ROBO2: variants seen among roughly 807,000 people sequenced by gnomAD.
The protein encoded by ROBO2 is roundabout homolog 2.
A neutral mutation model predicts 160.8 loss-of-function variants in ROBO2; 53 were observed. The ratio of observed to expected loss-of-function variants is 0.33; its 90% CI spans 0.26 to 0.41. The LOEUF (loss-of-function observed/expected upper bound fraction) is 0.41, where lower values mean the gene tolerates loss of function less well. ROBO2 is among the 10% of genes least tolerant of loss of function. The probability of loss-of-function intolerance (pLI) is 1.00; values close to 1 mark genes in which losing one functional copy is unlikely to be tolerated. For missense variants in ROBO2, 1,577 were observed against 1,722.4 expected (o/e 0.92, Z 1.49); for synonymous variants, 664 against 611.7 (o/e 1.09, Z -1.26).
chr3:76,994,358 T>C (rs1054125956), intron 2 of ROBO2, among the ~76,000 whole-genome samples: 1 of 149,306 alleles, frequency 6.7e-6, no homozygotes, highest in African/African-American at 2.5e-5. Context: ...GGAAAGCACA[T>C]GTTGAGTCCT....
At chr3:76,234,490 G>C (rs528584360) in intron 2 of ROBO2, among the ~76,000 whole-genome samples, 4 of 152,188 alleles carry the variant, frequency 2.6e-5, no homozygotes, top group African/African-American at 9.6e-5. Flanking sequence ...AACCTAACAG[G>C]TTTTCACCAG....
chr3:76,272,067 ATAAG>A (rs1385509528), intron 2 of ROBO2, among the ~76,000 whole-genome samples: 1 of 152,184 alleles, frequency 6.6e-6, no homozygotes, highest in Non-Finnish European at 1.5e-5. Flanking sequence ...CTCTATAAAT[ATAAG>A]TGTTTCCAAC....
chr3:76,431,941 T>C (rs529970797), intron 2 of ROBO2, among the ~76,000 whole-genome samples: 14 of 152,280 alleles, frequency 9.2e-5, no homozygotes, highest in Non-Finnish European at 1.6e-4. Context: ...TACATTGATC[T>C]GTATAAGAAA....
intron 2 of ROBO2, among the ~76,000 whole-genome samples, chr3:77,131,453 T>C (rs2075844168): frequency 6.6e-6 from 1 of 152,182 alleles, no homozygotes; most frequent in Admixed American, 6.5e-5. Context: ...CCAGGTGGCA[T>C]GTACGTTTAA....
intron 2 of ROBO2, among the ~76,000 whole-genome samples, chr3:76,441,136 C>T (rs2076908357): frequency 6.6e-6 from 1 of 152,060 alleles, no homozygotes; most frequent in Non-Finnish European, 1.5e-5. Flanking sequence ...TCCCCTTGTC[C>T]TGCCAGAACT....
intron 1 of ROBO2, among the ~76,000 whole-genome samples, chr3:75,907,205 G>T (rs1286428472): frequency 2.6e-5 from 4 of 152,150 alleles, no homozygotes; most frequent in East Asian, 1.9e-4. Flanking sequence ...GTCCCCAAAG[G>T]CACGCGTTAT....
At chr3:76,960,375 A>T (rs2079560890) in intron 2 of ROBO2, among the ~76,000 whole-genome samples, 2 of 152,118 alleles carry the variant, frequency 1.3e-5, no homozygotes, top group Non-Finnish European at 2.9e-5. Context: ...TTATTTTCTA[A>T]TGACCTTGTC....
intron 2 of ROBO2, among the ~76,000 whole-genome samples, chr3:76,352,163 G>A (rs1035963133): frequency 1.3e-5 from 2 of 151,932 alleles, no homozygotes; most frequent in African/African-American, 4.8e-5. Context: ...CCCAAGTTGA[G>A]AAGAGGTAGT....
chr3:76,006,767 G>A (rs931560027), intron 2 of ROBO2, among the ~76,000 whole-genome samples: 3 of 151,918 alleles, frequency 2.0e-5, no homozygotes, highest in African/African-American at 7.3e-5. Context: ...TACAAAACTT[G>A]CTTTGATATT....
rs531581164 is a variant in ROBO2, at chr3:76,319,903, G to A, written c.109+382301G>A. Among the ~76,000 whole-genome samples, 3 of 151,908 alleles carry A rather than the reference G, an allele frequency of 2.0e-5. 1 individual carries two copies. Among genetic ancestry groups the A allele is most frequent in the Non-Finnish European group, 4.4e-5 (3 of 67,936 alleles). On this transcript the variant is annotated intron_variant, in intron 2 of 26. Coordinates refer to the ROBO2 transcript ENST00000487694. Reference sequence around the variant, plus strand: ...ATCTATGTAGGAATTTTGGTGTGTGGCATGGTGATATGGTCTAGGAAATAC... The same window carrying A: ...ATCTATGTAGGAATTTTGGTGTGTGACATGGTGATATGGTCTAGGAAATAC...
intron 2 of ROBO2, among the ~76,000 whole-genome samples, chr3:77,345,542 C>T (rs1311717451): frequency 2.0e-5 from 3 of 152,122 alleles, no homozygotes; most frequent in Non-Finnish European, 4.4e-5. Flanking sequence ...ATTGATGCCC[C>T]CTCCCCAAAA....
At chr3:76,653,387 T>A (rs988960049) in intron 2 of ROBO2, among the ~76,000 whole-genome samples, 1 of 150,298 alleles carries the variant, frequency 6.7e-6, no homozygotes, top group Non-Finnish European at 1.5e-5. Flanking sequence ...GTAAAATATA[T>A]ATAATATATA....
At chr3:76,584,976 A>C (rs1021412592) in intron 2 of ROBO2, among the ~76,000 whole-genome samples, 3 of 152,208 alleles carry the variant, frequency 2.0e-5, no homozygotes, top group Non-Finnish European at 4.4e-5. Context: ...CCGTTTTCTC[A>C]TTCAACAGCA....
intron 1 of ROBO2, among the ~76,000 whole-genome samples, chr3:77,072,409 T>C (rs1056425140): frequency 5.9e-5 from 9 of 152,148 alleles, no homozygotes; most frequent in South Asian, 2.1e-4. Flanking sequence ...GGAAAAAGTG[T>C]CACCTGAAAA....
At chr3:76,439,491 A>G (rs1361297068) in intron 2 of ROBO2, among the ~76,000 whole-genome samples, 2 of 152,162 alleles carry the variant, frequency 1.3e-5, no homozygotes, top group African/African-American at 4.8e-5. Context: ...TGACACTGAT[A>G]TGGACTATGA....
intron 18 of ROBO2, 77 bp downstream of exon 19, chr3:77,595,261 A>G: frequency 1.8e-6 from 2 of 1,083,734 alleles, no homozygotes; most frequent in South Asian, 2.7e-5. Context: ...AGAGCCTATT[A>G]TTGTAATAAA....
intron 2 of ROBO2, among the ~76,000 whole-genome samples, chr3:77,428,077 A>G (rs1019593053): frequency 6.6e-5 from 10 of 151,962 alleles, no homozygotes; most frequent in African/African-American, 2.2e-4. Flanking sequence ...AGAAAGCACA[A>G]CAAGACAAAT....
intron 2 of ROBO2, among the ~76,000 whole-genome samples, chr3:76,398,367 C>G (rs960743807): frequency 6.6e-6 from 1 of 151,530 alleles, no homozygotes; most frequent in Non-Finnish European, 1.5e-5. Context: ...GGAGATATAC[C>G]TAATGCTAAA....
intron 1 of ROBO2, among the ~76,000 whole-genome samples, chr3:77,076,883 G>A (rs1185373626): frequency 6.6e-6 from 1 of 152,090 alleles, no homozygotes; most frequent in Non-Finnish European, 1.5e-5. Flanking sequence ...ATACTGATTA[G>A]TGCAGATTTT....
Sources: allele counts gnomAD v4.1 joint callset (sites outside exome capture counted in the v4.1 genomes callset), GRCh38; gene constraint gnomAD v4.1.1; transcripts MANE v1.5; gene names NCBI Gene and HGNC (gene_info 2026-07-23, HGNC 2026-07-21).